The following TRPM3 variants were observed in gnomAD, a reference collection of about 807,000 sequenced individuals.
The protein encoded by TRPM3 is transient receptor potential cation channel subfamily M member 3, also known as long transient receptor potential channel 3.
A neutral mutation model predicts 181.2 loss-of-function variants in TRPM3; 77 were observed. The ratio of observed to expected loss-of-function variants is 0.42; its 90% CI spans 0.35 to 0.51. TRPM3 has a LOEUF of 0.51. TRPM3 is among the 20% of genes least tolerant of loss of function. The probability of loss-of-function intolerance (pLI) is 0.01; values close to 1 mark genes in which losing one functional copy is unlikely to be tolerated. For missense variants in TRPM3, 1,759 were observed against 2,196.7 expected (o/e 0.80, Z 3.98); for synonymous variants, 745 against 796.4 (o/e 0.94, Z 1.09).
intron 1 of TRPM3, among the ~76,000 whole-genome samples, chr9:71,444,265 GA>G (rs1314002858): frequency 6.6e-6 from 1 of 151,148 alleles, no homozygotes; most frequent in East Asian, 1.9e-4. Flanking sequence ...ACTTTAACTG[GA>G]AGTGATTTCA....
chr9:71,071,044 G>A (rs1454883812), intron 1 of TRPM3, among the ~76,000 whole-genome samples: 1 of 152,162 alleles, frequency 6.6e-6, no homozygotes, highest in Non-Finnish European at 1.5e-5. Flanking sequence ...CAATCTAGTG[G>A]ACAGCAAGGA....
At chr9:71,420,903 A>AGAGG (rs1287651363) in intron 1 of TRPM3, among the ~76,000 whole-genome samples, 3 of 90,764 alleles carry the variant, frequency 3.3e-5, no homozygotes, top group Admixed American at 1.0e-4. Flanking sequence ...GGGAGAGAAA[A>AGAGG]AGGGAGAGAA....
chr9:70,535,067 T>A lies in TRPM3; in HGVS notation c.*886A>T. 6.2e-6 allele frequency: 1 copy of A among 162,432 alleles called. No individual in the cohort carries two copies. The highest frequency in any genetic ancestry group is 1.3e-5 in the Non-Finnish European group (1 of 75,618). 10.1% of individuals were successfully genotyped at this position (162,432 alleles called of 1,614,324 possible). Reference sequence around the variant, plus strand: ...TTTTTTTTTTAAGTTCAATATTACATATTCAGTGAATGAATTCATCCATGA... The same window carrying A: ...TTTTTTTTTTAAGTTCAATATTACAAATTCAGTGAATGAATTCATCCATGA... On this transcript the variant is annotated 3_prime_UTR_variant, in exon 26 of 26. Transcript: ENST00000677713.
In TRPM3 at chr9:71,430,599, G is replaced by C. The variant is rs560020970; in HGVS notation, c.183+16054C>G. Among the ~76,000 whole-genome samples, 3 of 152,172 alleles carry C rather than the reference G, an allele frequency of 2.0e-5. No individual in the cohort carries two copies. In the South Asian group the frequency reaches 6.2e-4, roughly 32 times the overall value. Reference sequence around the variant, plus strand: ...GAGGCTGAGGCGGGTGGATCACAAGGTCAAGAGTTCGAGACCAGCCTGGCC... The same window carrying C: ...GAGGCTGAGGCGGGTGGATCACAAGCTCAAGAGTTCGAGACCAGCCTGGCC... On this transcript the variant is annotated intron_variant, in intron 1 of 24. Transcript: ENST00000357533.
chr9:71,420,826 A>G (rs1307344041), intron 1 of TRPM3, among the ~76,000 whole-genome samples: 3 of 35,236 alleles, frequency 8.5e-5, no homozygotes, highest in Non-Finnish European at 2.1e-4. Context: ...AGAGAAAGAG[A>G]GGGAAAGAAA....
At chr9:70,779,226 A>G (rs1319087518) in intron 7 of TRPM3, among the ~76,000 whole-genome samples, 1 of 152,302 alleles carries the variant, frequency 6.6e-6, no homozygotes, top group East Asian at 1.9e-4. Flanking sequence ...AAACGTGAAC[A>G]GTCTCTTGGT....
intron 19 of TRPM3, among the ~76,000 whole-genome samples, chr9:70,605,797 T>C (rs2060966798): frequency 6.6e-6 from 1 of 152,214 alleles, no homozygotes; most frequent in African/African-American, 2.4e-5. Context: ...TTCCATCACT[T>C]GTAGGTGAAA....
intron 1 of TRPM3, among the ~76,000 whole-genome samples, chr9:71,107,241 G>T (rs2134150517): frequency 6.6e-6 from 1 of 152,196 alleles, no homozygotes; most frequent in Non-Finnish European, 1.5e-5. Flanking sequence ...TCCCTTCAAG[G>T]GAGTTCCCAC....
At chr9:70,756,947 A>C (rs1056563347) in intron 8 of TRPM3, among the ~76,000 whole-genome samples, 8 of 152,190 alleles carry the variant, frequency 5.3e-5, no homozygotes, top group Non-Finnish European at 8.8e-5. Flanking sequence ...AAGAGCAAAC[A>C]AATTCAAAAG....
rs187085436 is a variant in TRPM3, at chr9:71,269,121, T to C, written c.183+177532A>G. 3.6e-3 allele frequency among the ~76,000 whole-genome samples: 551 copies of C among 152,288 alleles called. 1 individual carries two copies. Among genetic ancestry groups the C allele is most frequent in the African/African-American group, 0.013 (522 of 41,564 alleles). On this transcript the variant is annotated intron_variant, in intron 1 of 24. Coordinates refer to the TRPM3 transcript ENST00000357533. The stretch of plus-strand genomic sequence containing the variant: ...TGAAGTTACATTCCAACTTTAGAAA[T>C]ACTTTGAATAATAATAAGAACAATG...
chr9:71,105,853 G>T (rs2069408709), intron 1 of TRPM3, among the ~76,000 whole-genome samples: 1 of 152,140 alleles, frequency 6.6e-6, no homozygotes, highest in East Asian at 1.9e-4. Context: ...TGGTTACCTT[G>T]GGTGGTAGTG....
intron 1 of TRPM3, among the ~76,000 whole-genome samples, chr9:71,014,716 C>A (rs1045210458): frequency 1.3e-5 from 2 of 151,958 alleles, no homozygotes; most frequent in African/African-American, 4.8e-5. Flanking sequence ...TTATTTTTAG[C>A]CTTTGGAATC....
At chr9:71,432,303 G>A (rs2093967500) in intron 1 of TRPM3, among the ~76,000 whole-genome samples, 1 of 145,400 alleles carries the variant, frequency 6.9e-6, no homozygotes, top group Admixed American at 6.8e-5. Flanking sequence ...TATTCAATGG[G>A]TAATGAGACA....
intron 1 of TRPM3, among the ~76,000 whole-genome samples, chr9:71,062,664 T>C (rs1369595628): frequency 6.6e-6 from 1 of 152,094 alleles, no homozygotes; most frequent in Non-Finnish European, 1.5e-5. Flanking sequence ...CCCAACAGTG[T>C]TGAGAAGAGG....
At chr9:71,168,617 ATTATTATTTTT>A (rs1174091524) in intron 1 of TRPM3, among the ~76,000 whole-genome samples, 1 of 73,820 alleles carries the variant, frequency 1.4e-5, no homozygotes, top group African/African-American at 4.8e-5. Flanking sequence ...TTATTTTTTT[ATTATTATTTTT>A]TTATTATTTT....
intron 9 of TRPM3, among the ~76,000 whole-genome samples, chr9:70,662,601 A>C (rs913880077): frequency 1.3e-5 from 2 of 152,314 alleles, no homozygotes; most frequent in African/African-American, 4.8e-5. Context: ...GACACTTCTC[A>C]AAAGAAGATA....
chr9:70,870,588 G>C (rs1821571447), intron 1 of TRPM3, among the ~76,000 whole-genome samples: 1 of 151,972 alleles, frequency 6.6e-6, no homozygotes, highest in African/African-American at 2.4e-5. Context: ...TCACTGCAGT[G>C]TTATTTATAA....
chr9:71,193,992 C>T (rs560911501), intron 1 of TRPM3, among the ~76,000 whole-genome samples: 2 of 152,012 alleles, frequency 1.3e-5, no homozygotes, highest in East Asian at 3.9e-4. Flanking sequence ...TACACATATA[C>T]AAATTTTAAA....
chr9:71,163,936 C>T (rs748804778), intron 1 of TRPM3, among the ~76,000 whole-genome samples: 173 of 152,120 alleles, frequency 1.1e-3, no homozygotes, highest in Non-Finnish European at 1.0e-3. Context: ...CTGGATTTGG[C>T]CACATGGAAG....
Sources: allele counts gnomAD v4.1 joint callset (sites outside exome capture counted in the v4.1 genomes callset), GRCh38; gene constraint gnomAD v4.1.1; transcripts MANE v1.5; gene names NCBI Gene and HGNC (gene_info 2026-07-23, HGNC 2026-07-21).